Variants in FSHR observed in about 807,000 individuals in gnomAD.
FSHR encodes follicle-stimulating hormone receptor.
In FSHR, 46 loss-of-function variants were observed where a neutral mutation model predicts 52.1. That is an observed-to-expected ratio of 0.88 (90% CI 0.70 to 1.13). FSHR has a LOEUF of 1.13. Ranked by LOEUF, FSHR falls within the 50% of genes most tolerant of loss-of-function variation. FSHR has a pLI of 0.00. For missense variants in FSHR, 964 were observed against 834.6 expected, an observed-to-expected ratio of 1.16 and a Z score of -1.91; for synonymous variants, 399 against 309.6, an observed-to-expected ratio of 1.29 and a Z score of -3.03.
At chr2:48,979,463 CTCTGAACATG>C (rs1485837520) in intron 8 of FSHR, among the ~76,000 whole-genome samples, 1 of 152,052 alleles carries the variant, frequency 6.6e-6, no homozygotes. Flanking sequence ...ACCTACTCAA[CTCTGAACATG>C]CTGCTCTAGG....
intron 2 of FSHR, among the ~76,000 whole-genome samples, chr2:49,022,534 G>T: frequency 1.3e-5 from 2 of 152,182 alleles, no homozygotes; most frequent in Non-Finnish European, 1.5e-5. Context: ...GGTGTTTACC[G>T]TTTATCAGCC....
intron 1 of FSHR, among the ~76,000 whole-genome samples, chr2:49,123,799 T>A (rs1453109188): frequency 6.6e-6 from 1 of 152,186 alleles, no homozygotes; most frequent in Non-Finnish European, 1.5e-5. Context: ...GGAAGAACAA[T>A]GCAGAATGTT....
chr2:49,137,043 A>T (rs557804576), intron 1 of FSHR, among the ~76,000 whole-genome samples: 1 of 152,284 alleles, frequency 6.6e-6, no homozygotes, highest in South Asian at 2.1e-4. Context: ...AATAAAAGGC[A>T]TACAGACTAG....
intron 9 of FSHR, among the ~76,000 whole-genome samples, chr2:48,965,245 AC>A (rs1674421668): frequency 6.6e-6 from 1 of 152,278 alleles, no homozygotes; most frequent in East Asian, 1.9e-4. Flanking sequence ...CAGGGACTGA[AC>A]CTTGCCCCAT....
chr2:49,099,482 A>G (rs1670947343), intron 1 of FSHR, among the ~76,000 whole-genome samples: 1 of 152,138 alleles, frequency 6.6e-6, no homozygotes, highest in Non-Finnish European at 1.5e-5. Context: ...TAGCAGTGTG[A>G]GAACAGATTA....
At chr2:49,016,092 G>C (rs72875998) in intron 4 of FSHR, among the ~76,000 whole-genome samples, 4,168 of 152,248 alleles carry the variant, frequency 0.027, 180 homozygotes, top group African/African-American at 0.096. Context: ...TAAGGCACAT[G>C]ATGGCCCAGT....
intron 8 of FSHR, among the ~76,000 whole-genome samples, chr2:48,978,914 A>T (rs1397729255): frequency 1.3e-5 from 2 of 152,146 alleles, no homozygotes; most frequent in Non-Finnish European, 2.9e-5. Flanking sequence ...ATTTTCTTAG[A>T]ATTCCTTGCA....
At chr2:49,016,128 A>T (rs560836105) in intron 4 of FSHR, among the ~76,000 whole-genome samples, 1 of 152,324 alleles carries the variant, frequency 6.6e-6, no homozygotes, top group East Asian at 1.9e-4. Flanking sequence ...TGTTAAGTCC[A>T]GTTCTTATGA....
At chr2:48,980,978 C>T (rs190524390) in intron 8 of FSHR, among the ~76,000 whole-genome samples, 50 of 152,224 alleles carry the variant, frequency 3.3e-4, no homozygotes, top group African/African-American at 1.2e-3. Context: ...GATAGAGATG[C>T]CTTCTTAGGA....
intron 4 of FSHR, among the ~76,000 whole-genome samples, chr2:49,000,395 A>G (rs78214927): frequency 0.012 from 1,898 of 152,220 alleles, 29 homozygotes; most frequent in African/African-American, 0.042. Flanking sequence ...AAAAATAAAT[A>G]AGTTTGTGAT....
intron 4 of FSHR, among the ~76,000 whole-genome samples, chr2:48,992,543 T>G (rs12620721): frequency 0.55 from 83,904 of 152,012 alleles, 24,716 homozygotes; most frequent in Non-Finnish European, 0.66. Context: ...AGTGCCTCTT[T>G]CAGCGATACG....
intron 4 of FSHR, among the ~76,000 whole-genome samples, chr2:49,008,504 A>T (rs1345862917): frequency 1.3e-5 from 2 of 151,950 alleles, no homozygotes; most frequent in South Asian, 2.1e-4. Context: ...CATGTGTCTT[A>T]ATAGCAGCAT....
At chr2:48,969,521 T>C (rs1674636194) in intron 8 of FSHR, among the ~76,000 whole-genome samples, 1 of 152,130 alleles carries the variant, frequency 6.6e-6, no homozygotes, top group Admixed American at 6.6e-5. Flanking sequence ...TTCTCCATGT[T>C]TCAGTTTCCT....
At chr2:48,975,920 A>G (rs544052373) in intron 8 of FSHR, among the ~76,000 whole-genome samples, 2 of 152,324 alleles carry the variant, frequency 1.3e-5, no homozygotes, top group South Asian at 4.1e-4. Context: ...ATATACAATC[A>G]TGTCATCCGC....
At chr2:49,094,405 G>T (rs1195164606) in intron 1 of FSHR, among the ~76,000 whole-genome samples, 1 of 152,134 alleles carries the variant, frequency 6.6e-6, no homozygotes, top group Non-Finnish European at 1.5e-5. Flanking sequence ...CGCAGATATT[G>T]TAGACATTTT....
intron 4 of FSHR, among the ~76,000 whole-genome samples, chr2:49,011,505 G>C (rs1667272052): frequency 6.6e-6 from 1 of 152,116 alleles, no homozygotes; most frequent in Non-Finnish European, 1.5e-5. Flanking sequence ...TATATATTCT[G>C]TTGATTTGGG....
intron 2 of FSHR, among the ~76,000 whole-genome samples, chr2:49,042,959 A>G (rs1208666884): frequency 6.6e-6 from 1 of 152,164 alleles, no homozygotes; most frequent in Admixed American, 6.5e-5. Context: ...CCTTAGGAAA[A>G]AAGGAAGAAT....
At chr2:49,079,692 G>A (rs1202261687) in intron 1 of FSHR, among the ~76,000 whole-genome samples, 2 of 151,924 alleles carry the variant, frequency 1.3e-5, no homozygotes, top group Non-Finnish European at 2.9e-5. Context: ...TTTTCCTTGT[G>A]GAGTAACCTA....
intron 2 of FSHR, among the ~76,000 whole-genome samples, chr2:49,042,344 T>C (rs1430811870): frequency 6.6e-6 from 1 of 151,604 alleles, no homozygotes; most frequent in Non-Finnish European, 1.5e-5. Flanking sequence ...TAGATAACAA[T>C]GGGGGAAGGA....
Sources: gnomAD v4.1 joint callset for allele counts (sites outside exome capture counted in the v4.1 genomes callset) on GRCh38, gnomAD v4.1.1 for gene constraint, MANE v1.5 for transcripts, NCBI Gene and HGNC (gene_info 2026-07-23, HGNC 2026-07-21) for gene names.